Variants in NDST4 observed in about 807,000 individuals in gnomAD.
NDST4 encodes N-heparan sulfate sulfotransferase 4.
A neutral mutation model predicts 100.8 loss-of-function variants in NDST4; 63 were observed. The ratio of observed to expected loss-of-function variants is 0.62; its 90% CI spans 0.51 to 0.77. The LOEUF (loss-of-function observed/expected upper bound fraction) is 0.77, where lower values mean the gene tolerates loss of function less well. NDST4 is among the 30% of genes least tolerant of loss of function. The pLI, the probability that NDST4 is intolerant of heterozygous loss-of-function variation, is 0.00. For missense variants in NDST4, 943 were observed against 1,018.4 expected, an observed-to-expected ratio of 0.93 and a Z score of 1.01; for synonymous variants, 377 against 361.8, an observed-to-expected ratio of 1.04 and a Z score of -0.48.
intron 2 of NDST4, among the ~76,000 whole-genome samples, chr4:115,015,939 T>C (rs1431517978): frequency 6.6e-6 from 1 of 152,070 alleles, no homozygotes; most frequent in Non-Finnish European, 1.5e-5. Context: ...GTTGATTACA[T>C]TGGACCACTT....
At chr4:114,992,154 T>G (rs1727054534) in intron 2 of NDST4, among the ~76,000 whole-genome samples, 1 of 151,904 alleles carries the variant, frequency 6.6e-6, no homozygotes. Flanking sequence ...TACTTTATTT[T>G]TTTTCAGTTT....
chr4:114,916,910 A>T (rs769258261), intron 6 of NDST4, among the ~76,000 whole-genome samples: 4 of 151,948 alleles, frequency 2.6e-5, no homozygotes, highest in Non-Finnish European at 5.9e-5. Flanking sequence ...TTTCTCTGGA[A>T]CACTATAAAT....
intron 12 of NDST4, among the ~76,000 whole-genome samples, chr4:114,832,978 T>C (rs1271540647): frequency 8.3e-6 from 1 of 120,912 alleles, no homozygotes; most frequent in Non-Finnish European, 1.8e-5. Flanking sequence ...AAGCCAGATA[T>C]TCAAGTCTTC....
In NDST4 at chr4:115,009,394, A is replaced by C. The variant is rs1181189603; in HGVS notation, c.979-32120T>G. 1.6e-5 allele frequency among the ~76,000 whole-genome samples: 2 copies of C among 128,336 alleles called. 1 individual carries two copies. Among genetic ancestry groups the C allele is most frequent in the African/African-American group, 6.0e-5 (2 of 33,568 alleles). The allele number at this position is 128,336 out of a possible 152,430, so 84.2% of individuals were successfully genotyped here. A position where few individuals can be genotyped will look rare whatever the true frequency, so the allele number is the denominator to read the frequency against. Reference sequence around the variant, plus strand: ...GAAATAATGCTGCATATCTACAACTATCTGATCCTTGACAAACCTGAGAAA... The same window carrying C: ...GAAATAATGCTGCATATCTACAACTCTCTGATCCTTGACAAACCTGAGAAA... On this transcript the variant is annotated intron_variant, in intron 2 of 13. Transcript: ENST00000264363.
At chr4:114,881,855 C>G (rs1307182854) in intron 6 of NDST4, among the ~76,000 whole-genome samples, 1 of 152,072 alleles carries the variant, frequency 6.6e-6, no homozygotes, top group African/African-American at 2.4e-5. Context: ...CACTTTATGG[C>G]TACATGTAAA....
intron 4 of NDST4, among the ~76,000 whole-genome samples, chr4:114,941,321 C>T (rs928363530): frequency 3.9e-5 from 6 of 152,050 alleles, no homozygotes; most frequent in African/African-American, 1.4e-4. Flanking sequence ...CACTAAGTTG[C>T]TTCTACTGTG....
chr4:114,891,667 G>T (rs1171242402), intron 6 of NDST4, among the ~76,000 whole-genome samples: 1 of 151,744 alleles, frequency 6.6e-6, no homozygotes, highest in Non-Finnish European at 1.5e-5. Flanking sequence ...TTCCATCTTT[G>T]TTCTAGAACT....
chr4:115,018,483 T>G (rs949416842), intron 2 of NDST4, among the ~76,000 whole-genome samples: 1 of 151,952 alleles, frequency 6.6e-6, no homozygotes, highest in African/African-American at 2.4e-5. Context: ...CTCTATTATA[T>G]TGACTTTAAA....
intron 2 of NDST4, among the ~76,000 whole-genome samples, chr4:114,989,641 C>G (rs1456224462): frequency 6.6e-6 from 1 of 151,948 alleles, no homozygotes; most frequent in Non-Finnish European, 1.5e-5. Context: ...TGAAGAATTG[C>G]CTGGGTCAGA....
chr4:114,992,195 C>A (rs1160617921), intron 2 of NDST4, among the ~76,000 whole-genome samples: 1 of 151,602 alleles, frequency 6.6e-6, no homozygotes, highest in Admixed American at 6.6e-5. Flanking sequence ...GTTCCAGGAT[C>A]CCATCAGGAT....
At chr4:115,032,148 CAT>C in intron 2 of NDST4, among the ~76,000 whole-genome samples, 1 of 152,056 alleles carries the variant, frequency 6.6e-6, no homozygotes, top group Admixed American at 6.6e-5. Flanking sequence ...TTTAAGCACA[CAT>C]GATGTTCTGT....
chr4:114,958,555 T>C (rs1002075077), intron 4 of NDST4, among the ~76,000 whole-genome samples: 10 of 152,188 alleles, frequency 6.6e-5, no homozygotes, highest in Admixed American at 6.5e-4. Flanking sequence ...TTGAGCAGTA[T>C]ATTGGCCCCT....
intron 7 of NDST4, among the ~76,000 whole-genome samples, chr4:114,866,836 A>G (rs140515471): frequency 1.2e-3 from 184 of 152,308 alleles, no homozygotes; most frequent in African/African-American, 4.3e-3. Context: ...GAAGGCAAGA[A>G]TTTTCTTTTG....
chr4:115,024,520 G>C (rs1727937468), intron 2 of NDST4, among the ~76,000 whole-genome samples: 2 of 152,058 alleles, frequency 1.3e-5, no homozygotes, highest in African/African-American at 4.8e-5. Flanking sequence ...TTTTCAAATG[G>C]GAATGCCTCT....
In NDST4 at chr4:114,935,200, A is replaced by G. The variant is rs371769801; in HGVS notation, c.1536+6T>C. 1.9e-6 allele frequency: 3 copies of G among 1,595,208 alleles called. No individual in the cohort carries two copies. Among genetic ancestry groups the G allele is most frequent in the Non-Finnish European group, 2.6e-6 (3 of 1,172,314 alleles). On this transcript the variant is annotated splice_donor_region_variant and intron_variant, in intron 6 of 13. Coordinates refer to ENST00000264363, the MANE Select transcript of NDST4 (RefSeq NM_022569.3). ...TTATTGTAAGGTGCATACATAGAAT[A>G]CATACTGGGTTTAGAAGGATTGTGA...
At chr4:115,029,514 C>T (rs28648377) in intron 2 of NDST4, among the ~76,000 whole-genome samples, 8,006 of 152,094 alleles carry the variant, frequency 0.053, 728 homozygotes, top group African/African-American at 0.18. Flanking sequence ...CAGGTTCTAC[C>T]TAGAAGTTGA....
chr4:115,055,191 C>T (rs887566077), intron 2 of NDST4, among the ~76,000 whole-genome samples: 2 of 152,058 alleles, frequency 1.3e-5, no homozygotes, highest in Non-Finnish European at 2.9e-5. Context: ...CCAGACAGGA[C>T]CATTTAGTTG....
At chr4:114,988,668 G>A (rs1837801) in intron 2 of NDST4, among the ~76,000 whole-genome samples, 132,173 of 151,940 alleles carry the variant, frequency 0.87, 57,956 homozygotes, top group African/African-American at 0.92. Context: ...GCCTACATAC[G>A]TCTTTAAATG....
At chr4:114,859,729 G>A (rs1379503960) in intron 7 of NDST4, among the ~76,000 whole-genome samples, 3 of 152,130 alleles carry the variant, frequency 2.0e-5, no homozygotes, top group Non-Finnish European at 4.4e-5. Flanking sequence ...TGACCTGCTT[G>A]CCTCAAGGTG....
Sources: allele counts gnomAD v4.1 joint callset (sites outside exome capture counted in the v4.1 genomes callset), GRCh38; gene constraint gnomAD v4.1.1; transcripts MANE v1.5; gene names NCBI Gene and HGNC (gene_info 2026-07-23, HGNC 2026-07-21).